PCDHA6: variants seen among roughly 807,000 people sequenced by gnomAD.
PCDHA6 encodes protocadherin alpha 6, also known as protocadherin alpha-6.
A neutral mutation model predicts 60.3 loss-of-function variants in PCDHA6; 55 were observed. That is an observed-to-expected ratio of 0.91 (90% CI 0.73 to 1.14). The LOEUF (loss-of-function observed/expected upper bound fraction) is 1.14. PCDHA6 is among the 50% of genes most tolerant of loss of function. The pLI is 0.00. For synonymous variants in PCDHA6, 652 were observed against 557.9 expected, an observed-to-expected ratio of 1.17 and a Z score of -2.38; for missense variants, 1,327 against 1,256.5, an observed-to-expected ratio of 1.06 and a Z score of -0.85.
At chr5:140,982,824 G>GGTTT (rs74513655) in intron 3 of PCDHA6, among the ~76,000 whole-genome samples, 1 of 151,942 alleles carries the variant, frequency 6.6e-6, no homozygotes, top group African/African-American at 2.4e-5. Context: ...AAGTTTTTGG[G>GGTTT]GTTTGTTTGT....
chr5:140,836,633 C>A (rs2150266268), intron 1 of PCDHA6: 8 of 1,613,432 alleles, frequency 5.0e-6, no homozygotes, highest in Non-Finnish European at 5.9e-6. Flanking sequence ...GCTGGTCATT[C>A]TCCCAGCAGA....
intron 1 of PCDHA6, among the ~76,000 whole-genome samples, chr5:140,846,373 C>CTTTTTTTTT (rs374699051): frequency 1.6e-4 from 9 of 55,150 alleles, no homozygotes; most frequent in Non-Finnish European, 2.9e-4. Context: ...TTCTTTCTTT[C>CTTTTTTTTT]TTTTTTTTTT....
chr5:140,833,179 G>A (rs928347111), intron 1 of PCDHA6, among the ~76,000 whole-genome samples: 1 of 152,198 alleles, frequency 6.6e-6, no homozygotes, highest in African/African-American at 2.4e-5. Context: ...GAAGATGACT[G>A]CAAGGATTAA....
At chr5:140,869,615 G>T in intron 1 of PCDHA6, 2 of 1,613,858 alleles carry the variant, frequency 1.2e-6, no homozygotes, top group Non-Finnish European at 1.7e-6. Flanking sequence ...TTGACCTACA[G>T]GCTAAGTAAA....
chr5:140,868,681 TATA>T (rs1235223560), intron 1 of PCDHA6: 45 of 172,206 alleles, frequency 2.6e-4, no homozygotes, highest in African/African-American at 1.0e-3. Context: ...AGAACAATGT[TATA>T]ATGTTAAGTC....
intron 1 of PCDHA6, chr5:140,928,237 C>T: frequency 6.2e-7 from 1 of 1,614,228 alleles, no homozygotes; most frequent in Non-Finnish European, 8.5e-7. Context: ...TCCTCAACCC[C>T]AGCAGGAACT....
chr5:140,867,119 A>C (rs2049767402), intron 1 of PCDHA6: 1 of 152,142 alleles, frequency 6.6e-6, no homozygotes, highest in Admixed American at 6.5e-5. Context: ...ATATTGTTTT[A>C]ATTCAAATAT....
At chr5:140,993,225 T>C (rs1036685362) in intron 3 of PCDHA6, among the ~76,000 whole-genome samples, 2 of 152,206 alleles carry the variant, frequency 1.3e-5, no homozygotes, top group Admixed American at 6.5e-5. Context: ...TTTTGGTATG[T>C]TCTCTCTGAA....
chr5:141,008,679 T>C (rs950831628), intron 3 of PCDHA6, among the ~76,000 whole-genome samples: 4 of 152,238 alleles, frequency 2.6e-5, no homozygotes, highest in South Asian at 4.1e-4. Context: ...TATACTTTAG[T>C]TATTGCATGT....
chr5:140,871,290 C>T, intron 1 of PCDHA6: 8 of 1,613,900 alleles, frequency 5.0e-6, no homozygotes, highest in African/African-American at 1.3e-5. Context: ...CCACTGAGGG[C>T]GCGTGCGCGC....
chr5:140,968,918 A>G, intron 1 of PCDHA6: 1 of 1,614,164 alleles, frequency 6.2e-7, no homozygotes, highest in Non-Finnish European at 8.5e-7. Context: ...AGTGTCTTTT[A>G]TATTTCTTTT....
intron 1 of PCDHA6, chr5:140,842,521 C>T (rs2150337974): frequency 1.9e-6 from 3 of 1,613,508 alleles, no homozygotes; most frequent in East Asian, 4.5e-5. Context: ...TGGTGTCCAC[C>T]TTCAAGAATT....
At position 140,828,562 on chromosome 5, in the gene PCDHA6, G is replaced by C. The variant is rs1769827145; in HGVS notation, c.471G>C (p.Ala157=). The change falls in exon 1 of 4, where the codon GCG becomes GCC. Residue 157 remains alanine, a synonymous_variant. Coordinates refer to ENST00000529310, the MANE Select transcript of PCDHA6 (RefSeq NM_018909.4). Reference sequence around the variant, plus strand: ...ATTCTGTGTTTCCACTGGAGGGCGCGTCCGATGCAGATGTTGGCTCAAATT... The same window carrying C: ...ATTCTGTGTTTCCACTGGAGGGCGCCTCCGATGCAGATGTTGGCTCAAATT... ...LPDSVFPLEG[A]SDADVGSNSI... is the part of the protein sequence containing the mutation. 6.2e-7 allele frequency: 1 copy of C among 1,614,114 alleles called. No individual in the cohort carries two copies. The highest frequency in any genetic ancestry group is 1.7e-5 in the Admixed American group (1 of 60,010).
chr5:140,923,256 TAGTG>T (rs2153568044), intron 1 of PCDHA6, among the ~76,000 whole-genome samples: 1 of 152,302 alleles, frequency 6.6e-6, no homozygotes, highest in African/African-American at 2.4e-5. Context: ...CTGGGCAACA[TAGTG>T]AGACCTTGTC....
At chr5:140,982,688 ATACATACATGATTTCCT>A in intron 3 of PCDHA6, 125 bp downstream of exon 3, 1 of 1,415,764 alleles carries the variant, frequency 7.1e-7, no homozygotes, top group African/African-American at 1.4e-5. Flanking sequence ...CCTTTTTTCC[ATACATACATGATTTCCT>A]TACATATATG....
intron 1 of PCDHA6, among the ~76,000 whole-genome samples, chr5:140,933,480 G>A (rs1255769578): frequency 6.6e-6 from 1 of 151,846 alleles, no homozygotes; most frequent in East Asian, 1.9e-4. Context: ...ACACATTATG[G>A]TTATTCTTTA....
At chr5:140,882,188 A>G (rs1446435577) in intron 1 of PCDHA6, 6 of 1,519,650 alleles carry the variant, frequency 3.9e-6, no homozygotes, top group African/African-American at 1.4e-5. Context: ...CTAGGAAGCC[A>G]TAAAAATTGG....
chr5:140,856,211 C>G (rs374070531), intron 1 of PCDHA6: 1 of 1,598,094 alleles, frequency 6.3e-7, no homozygotes, highest in South Asian at 1.1e-5. Flanking sequence ...GGGGCTGGAG[C>G]TGGCGGAGCT....
intron 1 of PCDHA6, chr5:140,883,557 G>A (rs868923862): frequency 6.2e-7 from 1 of 1,614,214 alleles, no homozygotes; most frequent in Non-Finnish European, 8.5e-7. Flanking sequence ...GCGCGGGACG[G>A]GGGCTCGCCT....
Sources: allele counts gnomAD v4.1 joint callset (sites outside exome capture counted in the v4.1 genomes callset), GRCh38; gene constraint gnomAD v4.1.1; transcripts MANE v1.5; gene names NCBI Gene and HGNC (gene_info 2026-07-23, HGNC 2026-07-21).